The following ZNF532 variants were observed in gnomAD, a reference collection of about 807,000 sequenced individuals.
The protein encoded by ZNF532 is zinc finger protein 532.
ZNF532 carries 22 observed loss-of-function variants against 89.3 expected under a neutral mutation model. The observed-to-expected ratio is 0.25, with a 90% CI of 0.18 to 0.35. ZNF532 has a LOEUF of 0.35. Among genes scored for constraint, ZNF532 ranks in the 10% least tolerant of loss-of-function variants. ZNF532 has a pLI of 1.00. For missense variants in ZNF532, 1,132 were observed against 1,643.4 expected (o/e 0.69, Z 5.38); for synonymous variants, 606 against 649.6 (o/e 0.93, Z 1.02).
rs1209191250 is a variant in ZNF532 at position 58,913,717 on chromosome 18, G to A, written c.-17-4554G>A. Reference sequence around the variant, plus strand: ...AGAAAATAAGACTGGGAATCCCAAAGCAGACCTTGTATTATTACAGTTGTT... The same window carrying A: ...AGAAAATAAGACTGGGAATCCCAAAACAGACCTTGTATTATTACAGTTGTT... On this transcript the variant is annotated intron_variant, in intron 2 of 9. Coordinates refer to ENST00000591808, the MANE Select transcript of ZNF532 (RefSeq NM_001375912.1). Among the ~76,000 whole-genome samples, 4 of 152,158 alleles carry A rather than the reference G, an allele frequency of 2.6e-5. No homozygotes were observed. The South Asian group carries it at 8.3e-4, about 32-fold the overall frequency.
chr18:58,946,720 A>G (rs1341165435), intron 5 of ZNF532, among the ~76,000 whole-genome samples: 1 of 152,164 alleles, frequency 6.6e-6, no homozygotes, highest in African/African-American at 2.4e-5. Flanking sequence ...ATTGTGCTGC[A>G]TTGTACGGCC....
At chr18:58,896,424 G>T (rs543107949) in intron 2 of ZNF532, 4 of 151,930 alleles carry the variant, frequency 2.6e-5, no homozygotes, top group African/African-American at 9.7e-5. Flanking sequence ...GCCTATTCTA[G>T]GCACTTCAAG....
rs56807744 is a variant in ZNF532 at position 58,913,607 on chromosome 18, T to A, written c.-17-4664T>A. On this transcript the variant is annotated intron_variant, in intron 2 of 9. Coordinates refer to ENST00000591808, the MANE Select transcript of ZNF532 (RefSeq NM_001375912.1). ...CCTAAAAGAAAGGGAAAGGAAAAAA[T>A]ATATATATATAAAAGAATTATTTTT... 5.3e-3 allele frequency among the ~76,000 whole-genome samples: 791 copies of A among 150,130 alleles called. 5 individuals are homozygous for A. Among genetic ancestry groups the A allele is most frequent in the Middle Eastern group, 0.01 (3 of 294 alleles).
chr18:58,924,936 C>A (rs763181891), intron 3 of ZNF532, among the ~76,000 whole-genome samples: 2 of 152,116 alleles, frequency 1.3e-5, no homozygotes, highest in Admixed American at 6.5e-5. Flanking sequence ...CTGGTTGTTG[C>A]GTATATCAAT....
chr18:58,868,963 TA>T (rs1338873443), intron 2 of ZNF532, among the ~76,000 whole-genome samples: 1 of 152,230 alleles, frequency 6.6e-6, no homozygotes, highest in Non-Finnish European at 1.5e-5. Flanking sequence ...TCCTAGGTTG[TA>T]AACCTATACA....
rs1384551286 is a variant in ZNF532 at position 58,963,006 on chromosome 18, T to A, written c.3150+9207T>A. ...GCACACCTGCCCTTGCTGCTGATGC[T>A]CATTGCTGTGGCCCTCACTGTGTGA... is the stretch of plus-strand genomic sequence containing the variant. On this transcript the variant is annotated intron_variant, in intron 7 of 9. Transcript: ENST00000591808. 2.0e-5 allele frequency among the ~76,000 whole-genome samples: 3 copies of A among 152,176 alleles called. No homozygotes were observed. The East Asian group carries it at 5.8e-4, about 29-fold the overall frequency.
In ZNF532 at chr18:58,907,942, AGACT is replaced by A. The variant is rs1230089565; in HGVS notation, c.-17-10327_-17-10324del. Among the ~76,000 whole-genome samples, 4 of 152,216 alleles carry A rather than the reference AGACT, an allele frequency of 2.6e-5. No homozygotes were observed. The South Asian group carries it at 6.2e-4, about 24-fold the overall frequency. On this transcript the variant is annotated intron_variant, in intron 2 of 9. Transcript: ENST00000591808. Reference sequence around the variant, plus strand: ...GAAGGTTAATAAATGAGATGACCACAGACTGTTTTCCTGAATGTGATACTGGCCA... The same window carrying A: ...GAAGGTTAATAAATGAGATGACCACAGTTTTCCTGAATGTGATACTGGCCA...
chr18:58,971,428 C>T (rs1034860011), intron 7 of ZNF532, among the ~76,000 whole-genome samples: 1 of 152,208 alleles, frequency 6.6e-6, no homozygotes, highest in Admixed American at 6.5e-5. Context: ...CAGCAAACTG[C>T]GTTTCATGGG....
In ZNF532 at chr18:58,979,077, G is replaced by A. The variant is rs150227935; in HGVS notation, c.3173G>A (p.Arg1058His). 1.0e-4 allele frequency: 163 copies of A among 1,610,708 alleles called. No homozygotes were observed. Among genetic ancestry groups the A allele is most frequent in the East Asian group, 1.8e-4 (8 of 44,844 alleles). The change falls in exon 8 of 10, where the codon CGC becomes CAC. Residue 1058 changes from arginine (R) to histidine (H), a missense_variant. By Grantham distance (29) the Arg-to-His change is conservative. Coordinates refer to ENST00000591808, the MANE Select transcript of ZNF532 (RefSeq NM_001375912.1). Reference sequence around the variant, plus strand: ...CAGCAAATGAAGAAACACCCCTGCCGCCAGTGTGACAAGTCTTTCAGCTCG... The same window carrying A: ...CAGCAAATGAAGAAACACCCCTGCCACCAGTGTGACAAGTCTTTCAGCTCG... ...HGKQMKKHPC[R>H]QCDKSFSSSH...
At chr18:58,900,900 A>G (rs958303584) in intron 2 of ZNF532, among the ~76,000 whole-genome samples, 1 of 152,168 alleles carries the variant, frequency 6.6e-6, no homozygotes, top group South Asian at 2.1e-4. Context: ...AGCTCTAAGC[A>G]ACCACTTACT....
At chr18:58,933,414 ATTTC>A (rs1422251590) in intron 3 of ZNF532, among the ~76,000 whole-genome samples, 1 of 152,148 alleles carries the variant, frequency 6.6e-6, no homozygotes, top group African/African-American at 2.4e-5. Flanking sequence ...TCTTTTTAAA[ATTTC>A]TTAACTGTTG....
intron 2 of ZNF532, among the ~76,000 whole-genome samples, chr18:58,906,155 G>A (rs966742172): frequency 3.3e-5 from 5 of 152,066 alleles, no homozygotes; most frequent in Middle Eastern, 3.2e-3. Flanking sequence ...TCCCCTTTCC[G>A]TACTGTCCTC....
intron 2 of ZNF532, among the ~76,000 whole-genome samples, chr18:58,873,665 T>G (rs1180885392): frequency 6.6e-6 from 1 of 152,044 alleles, no homozygotes; most frequent in African/African-American, 2.4e-5. Context: ...TGTCTCTATC[T>G]CCTGACCTCA....
chr18:58,896,201 GT>G (rs1271235572), intron 2 of ZNF532, among the ~76,000 whole-genome samples: 1 of 151,922 alleles, frequency 6.6e-6, no homozygotes, highest in Non-Finnish European at 1.5e-5. Flanking sequence ...AGCAGTGTTT[GT>G]TTTTTGTTGT....
Position 58,938,617 on chromosome 18 carries a change from C to A in ZNF532, c.2529-828C>A, listed in dbSNP as rs993661151. Among the ~76,000 whole-genome samples the A allele has an allele frequency of 2.0e-5, 3 of 152,206 alleles. No individual in the cohort carries two copies. In the East Asian group the frequency reaches 5.8e-4, roughly 29 times the overall value. On this transcript the variant is annotated intron_variant, in intron 4 of 9. Coordinates refer to ENST00000591808, the MANE Select transcript of ZNF532 (RefSeq NM_001375912.1). ...CACCTAGGTGGTTGACCTTCTCTATCCTGTGGACCACCATGAACCCCACAT... is the reference window on the plus strand; with the variant it reads ...CACCTAGGTGGTTGACCTTCTCTATACTGTGGACCACCATGAACCCCACAT...
Position 58,940,137 on chromosome 18 carries a change from C to T in ZNF532, c.2705+516C>T, listed in dbSNP as rs570569298. ...GTCGATCTCCTGACCTCGTGATCCA[C>T]CTGCCTTGGCCTCCCAAAGTGCTAG... On this transcript the variant is annotated intron_variant, in intron 5 of 9. Coordinates refer to ENST00000591808, the MANE Select transcript of ZNF532 (RefSeq NM_001375912.1). 2.6e-5 allele frequency: 4 copies of T among 152,308 alleles called. No homozygotes were observed. In the South Asian group the frequency reaches 8.3e-4, roughly 32 times the overall value. The allele number at this position is 152,308 out of a possible 1,614,324, so 9.4% of individuals were successfully genotyped here. A position where few individuals can be genotyped will look rare whatever the true frequency, so the allele number is the denominator to read the frequency against.
At chr18:58,863,129 C>T (rs890987886), upstream of ZNF532, 6 of 152,382 alleles carry the variant, frequency 3.9e-5, no homozygotes, top group African/African-American at 1.4e-4. Context: ...ACGGTCTTTT[C>T]AACCATCTTT....
intron 7 of ZNF532, among the ~76,000 whole-genome samples, chr18:58,978,817 G>C (rs12954581): frequency 0.58 from 87,457 of 151,950 alleles, 25,953 homozygotes; most frequent in African/African-American, 0.72. Context: ...ACCTTATATG[G>C]ATAGCTTGAA....
intron 2 of ZNF532, among the ~76,000 whole-genome samples, chr18:58,917,555 T>A (rs1456545185): frequency 6.6e-6 from 1 of 152,204 alleles, no homozygotes; most frequent in Non-Finnish European, 1.5e-5. Context: ...CTGCATGTAT[T>A]CATATATCCT....
Sources: allele counts gnomAD v4.1 joint callset (sites outside exome capture counted in the v4.1 genomes callset), GRCh38; gene constraint gnomAD v4.1.1; transcripts MANE v1.5; gene names NCBI Gene and HGNC (gene_info 2026-07-23, HGNC 2026-07-21).